PPFIA4: variants seen among roughly 807,000 people sequenced by gnomAD.
PPFIA4 encodes PPFI scaffold protein A4, also known as liprin-alpha-4.
PPFIA4 carries 98 observed loss-of-function variants against 145.7 expected under a neutral mutation model. That is an observed-to-expected ratio of 0.67 (90% CI 0.57 to 0.80). PPFIA4 has a LOEUF of 0.80. Ranked by LOEUF, PPFIA4 falls within the 30% of genes least tolerant of loss-of-function variation. The probability of loss-of-function intolerance (pLI) is 0.00; values close to 1 mark genes in which losing one functional copy is unlikely to be tolerated. For synonymous variants in PPFIA4, 628 were observed against 649.6 expected (o/e 0.97, Z 0.51); for missense variants, 1,457 against 1,632.7 (o/e 0.89, Z 1.85).
chr1:203,056,698 C>A, intron 18 of PPFIA4, 86 bp from the exon 19 acceptor site: 1 of 1,317,138 alleles, frequency 7.6e-7, no homozygotes, highest in Non-Finnish European at 1.1e-6. Context: ...AATAGAAGTT[C>A]TTCCTGAGGT....
At position 203,060,352 on chromosome 1, in the gene PPFIA4, C is replaced by T. The variant is rs746871943; in HGVS notation, c.2719C>T (p.Leu907Phe). 1.4e-5 allele frequency: 22 copies of T among 1,613,922 alleles called. No homozygotes were observed. The highest frequency in any genetic ancestry group is 2.7e-5 in the African/African-American group (2 of 74,942). The change falls in exon 22 of 30, where the codon CTC (leucine) becomes TTC (phenylalanine). Residue 907 changes from leucine (L) to phenylalanine (F), a missense_variant. Transcript: ENST00000295706. The surrounding 1 kb of genome is among the most constrained non-coding windows in gnomAD (Gnocchi z 4.8). ...CAGCAATGCCCTGCACCGGCTCAAG[C>T]TCCGCCTGGCCATTCAGGAGATGGT... ...GISNALHRLK[L>F]RLAIQEMVSL...
chr1:203,043,511 G>T lies in PPFIA4; in HGVS notation c.336+13G>T, dbSNP rs1315769109. The T allele has an allele frequency of 6.2e-7, 1 of 1,600,512 alleles. No homozygotes were observed. Among genetic ancestry groups the T allele is most frequent in the Non-Finnish European group, 8.5e-7 (1 of 1,173,218 alleles). On this transcript the variant is annotated intron_variant, in intron 3 of 29. Coordinates refer to ENST00000295706, the MANE Select transcript of PPFIA4 (RefSeq NM_001304331.2). The surrounding 1 kb of genome is among the most constrained non-coding windows in gnomAD (Gnocchi z 4.4). ...GAATAACACACGGGTAAGTGGGGATGACCTTGTGTCGCGCGCGCGCACGTG... is the reference window on the plus strand; with the variant it reads ...GAATAACACACGGGTAAGTGGGGATTACCTTGTGTCGCGCGCGCGCACGTG...
At chr1:203,044,930 C>T in intron 6 of PPFIA4, 145 bp downstream of exon 6, 1 of 735,884 alleles carries the variant, frequency 1.4e-6, no homozygotes, top group Non-Finnish European at 2.3e-6. Flanking sequence ...TTTTCTTCTT[C>T]TCCCTACCCC....
In PPFIA4 at chr1:203,055,300, G is replaced by T; in HGVS notation, c.1830-132G>T. The T allele has an allele frequency of 8.3e-7, 1 of 1,202,786 alleles. No individual in the cohort carries two copies. Among genetic ancestry groups the T allele is most frequent in the Non-Finnish European group, 1.2e-6 (1 of 833,228 alleles). The allele number at this position is 1,202,786 out of a possible 1,614,324, so 74.5% of individuals were successfully genotyped here. On this transcript the variant is annotated intron_variant, in intron 15 of 29. Transcript: ENST00000295706. This position sits in a 1 kb window ranked among gnomAD's most constrained non-coding sequence, Gnocchi z 4.8. ...GAAAGAGATGTGTTTCTAAGCTCCA[G>T]TGGGACAGACAAAGCCTGGCGGGTG... is the stretch of plus-strand genomic sequence containing the variant.
rs568469310 is a variant in PPFIA4 at position 203,060,839 on chromosome 1, C to T, written c.2785-131C>T. ...GGAGTCTTTCATTGTCGGCCATCTCCATGATTGAGACCAGCCCCCATTTCA... is the reference window on the plus strand; with the variant it reads ...GGAGTCTTTCATTGTCGGCCATCTCTATGATTGAGACCAGCCCCCATTTCA... On this transcript the variant is annotated intron_variant, in intron 22 of 29. Transcript: ENST00000295706. This position sits in a 1 kb window ranked among gnomAD's most constrained non-coding sequence, Gnocchi z 4.8. 5.1e-6 allele frequency: 4 copies of T among 791,606 alleles called. No homozygotes were observed. In the African/African-American group the frequency reaches 6.9e-5, roughly 14 times the overall value. The allele number at this position is 791,606 out of a possible 1,614,324, so 49.0% of individuals were successfully genotyped here.
intron 25 of PPFIA4, among the ~76,000 whole-genome samples, chr1:203,066,835 A>C (rs2102685252): frequency 6.6e-6 from 1 of 152,310 alleles, no homozygotes; most frequent in South Asian, 2.1e-4. Context: ...GGGGTTTAGG[A>C]TCAGTGAACA....
Position 203,046,283 on chromosome 1 carries a change from G to A in PPFIA4, c.1041G>A (p.Leu347=), listed in dbSNP as rs931242948. 8 of 1,596,770 alleles carry A rather than the reference G, an allele frequency of 5.0e-6. No individual in the cohort carries two copies. In the African/African-American group the frequency reaches 9.4e-5, roughly 19 times the overall value. The change falls in exon 9 of 30, where the codon CTG becomes CTA. Residue 347 remains leucine, a synonymous_variant. Transcript: ENST00000295706. ...AGGCCCGACACCTGCAGGAGCTGCTGGAGGTGGCAGAGCAGAAGCTGCAGC... is the reference window on the plus strand; with the variant it reads ...AGGCCCGACACCTGCAGGAGCTGCTAGAGGTGGCAGAGCAGAAGCTGCAGC... The part of the protein sequence containing the change: ...EEKARHLQEL[L]EVAEQKLQQT...
chr1:203,069,072 C>T (rs1661947533), intron 27 of PPFIA4, among the ~76,000 whole-genome samples: 1 of 152,116 alleles, frequency 6.6e-6, no homozygotes. Context: ...GCTCCTGGGC[C>T]CCCAGCCTTA....
At chr1:203,046,798 G>A (rs1010898653) in intron 9 of PPFIA4, among the ~76,000 whole-genome samples, 1 of 152,108 alleles carries the variant, frequency 6.6e-6, no homozygotes, top group Non-Finnish European at 1.5e-5. Context: ...TCCCTGAAGG[G>A]CAAAGGGGTG....
Position 203,069,755 on chromosome 1 carries a change from A to ACCCCCCCCCCC in PPFIA4, c.3324+1134_3324+1135insCCCCCCCCCCC. Among the ~76,000 whole-genome samples, 247 of 104,780 alleles carry ACCCCCCCCCCC rather than the reference A, an allele frequency of 2.4e-3. 1 individual carries two copies. The highest frequency in any genetic ancestry group is 3.2e-3 in the Non-Finnish European group (162 of 50,212). 68.7% of individuals were successfully genotyped at this position (104,780 alleles called of 152,430 possible). On this transcript the variant is annotated intron_variant, in intron 27 of 29. Transcript: ENST00000295706. ...TGTGTCCTGTAGGCATTCTGCAGTG[A>ACCCCCCCCCCC]CCCCCCCGCCCCGCCCCCACCCCAA... is the stretch of plus-strand genomic sequence containing the variant.
chr1:203,046,075 C>T, intron 8 of PPFIA4, 88 bp downstream of exon 8: 6 of 1,577,598 alleles, frequency 3.8e-6, no homozygotes, highest in Non-Finnish European at 5.2e-6. Context: ...TGAGGAGCCC[C>T]TGGGGTCCTG....
At chr1:203,074,638 G>A (rs554542824) in intron 28 of PPFIA4, among the ~76,000 whole-genome samples, 3 of 152,260 alleles carry the variant, frequency 2.0e-5, no homozygotes, top group East Asian at 3.9e-4. Flanking sequence ...AGAACAGGTG[G>A]GTGAATGTCC....
chr1:203,061,552 TG>T, intron 23 of PPFIA4, 99 bp from the exon 24 acceptor site: 1 of 1,239,758 alleles, frequency 8.1e-7, no homozygotes, highest in Non-Finnish European at 1.1e-6. Context: ...AGCCAGATAC[TG>T]GGATGTCTTT....
At chr1:203,044,221 CT>C in intron 4 of PPFIA4, 126 bp downstream of exon 4, 1 of 1,215,786 alleles carries the variant, frequency 8.2e-7, no homozygotes, top group East Asian at 2.5e-5. Flanking sequence ...ATTGTCTTAA[CT>C]TCAAGGTCCT....
intron 2 of PPFIA4, among the ~76,000 whole-genome samples, chr1:203,042,202 C>T (rs1196537697): frequency 6.6e-6 from 1 of 152,124 alleles, no homozygotes. Context: ...TGAAAACCTC[C>T]CTGGAAGGAG....
intron 1 of PPFIA4, among the ~76,000 whole-genome samples, chr1:203,032,430 T>TTTTTTTTTTTTTTTTTTGTTGTTG (rs57892403): frequency 7.2e-6 from 1 of 139,382 alleles, no homozygotes; most frequent in African/African-American, 2.7e-5. Flanking sequence ...TCCCCGCTTT[T>TTTTTTTTTTTTTTTTTTGTTGTTG]TTGTTGTTGT....
chr1:203,055,350 C>T lies in PPFIA4; in HGVS notation c.1830-82C>T, dbSNP rs114750416. On this transcript the variant is annotated intron_variant, in intron 15 of 29. Transcript: ENST00000295706. The surrounding 1 kb of genome is among the most constrained non-coding windows in gnomAD (Gnocchi z 4.8). ...GTACACCGCATGTGGTCCTTGGTGG[C>T]GAGTGCAGGCATCGACCCGCACTGC... 3.4e-4 allele frequency: 534 copies of T among 1,567,494 alleles called. 4 individuals are homozygous for T. In the African/African-American group the frequency reaches 5.6e-3, roughly 16 times the overall value.
intron 16 of PPFIA4, 90 bp from the exon 17 acceptor site, chr1:203,056,030 T>C: frequency 7.4e-7 from 1 of 1,346,642 alleles, no homozygotes; most frequent in Non-Finnish European, 1.0e-6. Flanking sequence ...GAATCCTATC[T>C]TCTCATCCTA....
Position 203,060,520 on chromosome 1 carries a change from C to T in PPFIA4, c.2784+103C>T. 1 of 1,180,406 alleles carries T rather than the reference C, an allele frequency of 8.5e-7. No individual in the cohort carries two copies. Among genetic ancestry groups the T allele is most frequent in the Non-Finnish European group, 1.2e-6 (1 of 818,774 alleles). The allele number at this position is 1,180,406 out of a possible 1,614,324, so 73.1% of individuals were successfully genotyped here. On this transcript the variant is annotated intron_variant, in intron 22 of 29. Coordinates refer to ENST00000295706, the MANE Select transcript of PPFIA4 (RefSeq NM_001304331.2). The surrounding 1 kb of genome is among the most constrained non-coding windows in gnomAD (Gnocchi z 4.8). ...GGAAGATGGCAGCATTGAGCCCTGC[C>T]CCTTCCTTCCCATCCTCACAAAGGG...
Sources: gnomAD v4.1 joint callset for allele counts (sites outside exome capture counted in the v4.1 genomes callset) on GRCh38, gnomAD v4.1.1 for gene constraint, Gnocchi (gnomAD v3.1) non-coding constraint, MANE v1.5 for transcripts, NCBI Gene and HGNC (gene_info 2026-07-23, HGNC 2026-07-21) for gene names.